The following NRIP3 variants were observed in gnomAD, a reference collection of about 807,000 sequenced individuals.
The protein encoded by NRIP3 is nuclear receptor interacting protein 3.
In NRIP3, 31 loss-of-function variants were observed where a neutral mutation model predicts 29.0. The observed-to-expected ratio is 1.07, with a 90% CI of 0.80 to 1.44. The LOEUF is 1.44. Ranked by LOEUF, NRIP3 falls within the 40% of genes most tolerant of loss-of-function variation. The pLI, the probability that NRIP3 is intolerant of heterozygous loss-of-function variation, is 0.00. For missense variants in NRIP3, 314 were observed against 297.9 expected, an observed-to-expected ratio of 1.05 and a Z score of -0.40; for synonymous variants, 131 against 118.3, an observed-to-expected ratio of 1.11 and a Z score of -0.70.
intron 1 of NRIP3, among the ~76,000 whole-genome samples, chr11:8,998,616 GA>G (rs1854747330): frequency 6.6e-6 from 1 of 152,110 alleles, no homozygotes; most frequent in Non-Finnish European, 1.5e-5. Flanking sequence ...TCAGGTTAGA[GA>G]AATCACTTCT....
At chr11:9,002,596 TAAAAAAAAAAAA>T (rs10701323) in intron 1 of NRIP3, among the ~76,000 whole-genome samples, 4 of 101,244 alleles carry the variant, frequency 4.0e-5, no homozygotes, top group East Asian at 6.3e-4. Flanking sequence ...GCTGTTAAAT[TAAAAAAAAAAAA>T]AAAAAAAAAA....
At position 8,985,802 on chromosome 11, in the gene NRIP3, A is replaced by T; in HGVS notation, c.471T>A (p.Ser157=). 6.2e-7 allele frequency: 1 copy of T among 1,614,186 alleles called. No individual in the cohort carries two copies. The highest frequency in any genetic ancestry group is 8.5e-7 in the Non-Finnish European group (1 of 1,180,024). ...KSHKHEGEKL[S]LPRHLKVVGQ... is the part of the protein sequence containing the mutation. ...CCACTACTTTGAGATGCCGGGGTAG[A>T]GAAAGCTTTTCTCCTTCATGCTTGT... is the stretch of plus-strand genomic sequence containing the variant. The change falls in exon 4 of 7, where the codon TCT becomes TCA. Residue 157 remains serine, a synonymous_variant. Coordinates refer to ENST00000309166, the MANE Select transcript of NRIP3 (RefSeq NM_020645.3).
upstream of NRIP3, chr11:9,004,139 C>CGTCCCCT (rs1257635086): frequency 5.1e-4 from 212 of 417,630 alleles, 2 homozygotes; most frequent in African/African-American, 3.6e-3. Context: ...CCGCGTCCCG[C>CGTCCCCT]GTCCCCTGCT....
At chr11:8,997,324 T>C (rs1854723802) in intron 1 of NRIP3, among the ~76,000 whole-genome samples, 1 of 118,952 alleles carries the variant, frequency 8.4e-6, no homozygotes, top group Admixed American at 1.2e-4. Flanking sequence ...ACCACTGCAC[T>C]CCAGCCTGGT....
intron 1 of NRIP3, among the ~76,000 whole-genome samples, chr11:8,997,059 CAG>C (rs1854719390): frequency 6.6e-6 from 1 of 151,932 alleles, no homozygotes; most frequent in Admixed American, 6.5e-5. Context: ...GCCTGGGTGA[CAG>C]AGTGAGACTC....
intron 1 of NRIP3, among the ~76,000 whole-genome samples, chr11:8,998,239 G>A (rs912513278): frequency 4.6e-5 from 7 of 152,196 alleles, no homozygotes; most frequent in African/African-American, 1.7e-4. Context: ...TGGAAACACA[G>A]ATTGTTCTTC....
intron 4 of NRIP3, among the ~76,000 whole-genome samples, chr11:8,984,327 A>G (rs1297754671): frequency 6.6e-6 from 1 of 151,726 alleles, no homozygotes; most frequent in Non-Finnish European, 1.5e-5. Context: ...CAGTGGCGCA[A>G]TCTCGGCTCA....
chr11:8,994,483 C>T (rs1435490349), intron 1 of NRIP3, among the ~76,000 whole-genome samples: 1 of 152,222 alleles, frequency 6.6e-6, no homozygotes, highest in Non-Finnish European at 1.5e-5. Flanking sequence ...TGCACACACA[C>T]AATGTAACTT....
chr11:8,983,220 C>T lies in NRIP3; in HGVS notation c.*325G>A. The stretch of plus-strand genomic sequence containing the variant: ...CACATATATCTATGGAGACACAGAA[C>T]CTGGCAGCCCCTATACTTGACTAAT... On this transcript the variant is annotated 3_prime_UTR_variant, in exon 7 of 7. Transcript: ENST00000309166. 2.2e-6 allele frequency: 1 copy of T among 457,334 alleles called. No homozygotes were observed. Among genetic ancestry groups the T allele is most frequent in the African/African-American group, 2.0e-5 (1 of 49,970 alleles). The allele number at this position is 457,334 out of a possible 1,614,324, so 28.3% of individuals were successfully genotyped here.
At position 8,983,731 on chromosome 11, in the gene NRIP3, T is replaced by C. The variant is rs1033068989; in HGVS notation, c.710+144A>G. The C allele has an allele frequency of 9.1e-6, 8 of 879,552 alleles. No individual in the cohort carries two copies. In the African/African-American group the frequency reaches 9.9e-5, roughly 11 times the overall value. The allele number at this position is 879,552 out of a possible 1,614,324, so 54.5% of individuals were successfully genotyped here. ...CAGAGTTTTGTGGGGTGATGAACTCTGGGTGTGGGGAAGGGTGGATTTGTA... is the reference window on the plus strand; with the variant it reads ...CAGAGTTTTGTGGGGTGATGAACTCCGGGTGTGGGGAAGGGTGGATTTGTA... On this transcript the variant is annotated intron_variant, in intron 6 of 6. Coordinates refer to ENST00000309166, the MANE Select transcript of NRIP3 (RefSeq NM_020645.3).
chr11:8,992,280 G>C (rs1023374232), intron 1 of NRIP3, among the ~76,000 whole-genome samples: 5 of 152,110 alleles, frequency 3.3e-5, no homozygotes, highest in African/African-American at 1.2e-4. Context: ...TACTCTTCTT[G>C]TAAGAGTAAA....
intron 1 of NRIP3, among the ~76,000 whole-genome samples, chr11:8,991,371 C>T (rs897022223): frequency 2.6e-5 from 4 of 152,186 alleles, no homozygotes; most frequent in Non-Finnish European, 4.4e-5. Context: ...AAAAAGTACT[C>T]ATAATATAGT....
intron 4 of NRIP3, among the ~76,000 whole-genome samples, chr11:8,984,445 T>G (rs1854477876): frequency 6.6e-6 from 1 of 152,116 alleles, no homozygotes; most frequent in Non-Finnish European, 1.5e-5. Context: ...GTATTTTTAG[T>G]AGAGACAGGG....
intron 3 of NRIP3, among the ~76,000 whole-genome samples, chr11:8,987,171 T>C (rs992379651): frequency 2.0e-5 from 3 of 152,086 alleles, no homozygotes; most frequent in African/African-American, 7.2e-5. Context: ...CCCCACCACA[T>C]CCCTACTTTT....
intron 3 of NRIP3, among the ~76,000 whole-genome samples, chr11:8,986,141 A>G (rs1182487523): frequency 6.6e-6 from 1 of 152,208 alleles, no homozygotes; most frequent in African/African-American, 2.4e-5. Flanking sequence ...TCTGTATCCT[A>G]CTATCCCCAC....
chr11:8,983,426 T>C lies in NRIP3; in HGVS notation c.*119A>G, dbSNP rs550414290. The C allele has an allele frequency of 4.7e-6, 4 of 855,816 alleles. No individual in the cohort carries two copies. In the East Asian group the frequency reaches 7.8e-5, roughly 17 times the overall value. 53.0% of individuals were successfully genotyped at this position (855,816 alleles called of 1,614,324 possible). On this transcript the variant is annotated 3_prime_UTR_variant, in exon 7 of 7. Coordinates refer to ENST00000309166, the MANE Select transcript of NRIP3 (RefSeq NM_020645.3). ...TGGGAAGGAGCCCCTGGAGCTTCTA[T>C]TAGATGGAAGGACTTGGTCCACAGC...
At chr11:8,986,020 A>G (rs547581481) in intron 3 of NRIP3, among the ~76,000 whole-genome samples, 170 bp from the exon 4 acceptor site, 1 of 152,308 alleles carries the variant, frequency 6.6e-6, no homozygotes, top group East Asian at 1.9e-4. Flanking sequence ...TGTCCTAAAC[A>G]TGCCAGGGAG....
chr11:8,983,492 C>A lies in NRIP3; in HGVS notation c.*53G>T, dbSNP rs1854455376. ...TTGGTTCAAACCCAGTTTTCTCTAT[C>A]TGTCAACCCGGTGTGTATGCATGCA... On this transcript the variant is annotated 3_prime_UTR_variant, in exon 7 of 7. Coordinates refer to ENST00000309166, the MANE Select transcript of NRIP3 (RefSeq NM_020645.3). 3 of 1,588,578 alleles carry A rather than the reference C, an allele frequency of 1.9e-6. No individual in the cohort carries two copies. In the South Asian group the frequency reaches 3.4e-5, roughly 18 times the overall value.
At chr11:8,998,918 C>T (rs760441355) in intron 1 of NRIP3, among the ~76,000 whole-genome samples, 1 of 151,580 alleles carries the variant, frequency 6.6e-6, no homozygotes, top group African/African-American at 2.4e-5. Context: ...CTCAGCCTCC[C>T]GAGTTTCCCG....
Sources: gnomAD v4.1 joint callset for allele counts (sites outside exome capture counted in the v4.1 genomes callset) on GRCh38, gnomAD v4.1.1 for gene constraint, MANE v1.5 for transcripts, NCBI Gene and HGNC (gene_info 2026-07-23, HGNC 2026-07-21) for gene names.